PDE6A: variants seen among roughly 807,000 people sequenced by gnomAD.
PDE6A encodes the protein phosphodiesterase 6A.
In PDE6A, 84 loss-of-function variants were observed where a neutral mutation model predicts 106.3. The ratio of observed to expected loss-of-function variants is 0.79; its 90% CI spans 0.66 to 0.95. The LOEUF is 0.95. PDE6A is among the 40% of genes least tolerant of loss of function. The probability of loss-of-function intolerance (pLI) is 0.00; values close to 1 mark genes in which losing one functional copy is unlikely to be tolerated. For missense variants in PDE6A, 1,052 were observed against 1,084.9 expected (o/e 0.97, Z 0.43); for synonymous variants, 394 against 386.6 (o/e 1.02, Z -0.23).
At chr5:149,919,233 G>A (rs1412877099) in intron 5 of PDE6A, among the ~76,000 whole-genome samples, 4 of 152,152 alleles carry the variant, frequency 2.6e-5, no homozygotes, top group African/African-American at 7.2e-5. Context: ...TAGGCCGGGT[G>A]CGGTGGCTCG....
intron 13 of PDE6A, among the ~76,000 whole-genome samples, chr5:149,893,035 T>C (rs1422114918): frequency 2.0e-5 from 3 of 152,232 alleles, no homozygotes; most frequent in African/African-American, 7.2e-5. Flanking sequence ...TCCACTTTTA[T>C]AAACTCTGAC....
intron 19 of PDE6A, 69 bp downstream of exon 19, chr5:149,867,656 C>A: frequency 7.6e-7 from 1 of 1,311,450 alleles, no homozygotes; most frequent in Non-Finnish European, 1.1e-6. Flanking sequence ...TCCATCATGG[C>A]GAGGTCATAT....
chr5:149,866,879 T>C (rs538589008), intron 19 of PDE6A: 1 of 154,298 alleles, frequency 6.5e-6, no homozygotes, highest in South Asian at 2.0e-4. Flanking sequence ...GGCAGACTGC[T>C]GCTAATTGTT....
At chr5:149,867,973 G>C (rs1313765116) in intron 18 of PDE6A, 122 bp downstream of exon 18, 4 of 1,130,178 alleles carry the variant, frequency 3.5e-6, no homozygotes, top group African/African-American at 1.5e-5. Context: ...CCCATGTCTT[G>C]GTAGAGGAGG....
intron 6 of PDE6A, among the ~76,000 whole-genome samples, chr5:149,907,870 A>G (rs1461300288): frequency 1.3e-5 from 2 of 152,216 alleles, no homozygotes; most frequent in Non-Finnish European, 2.9e-5. Flanking sequence ...AACAAGCATT[A>G]AAAACTTCAC....
chr5:149,936,864 T>C (rs1464934425), intron 1 of PDE6A, among the ~76,000 whole-genome samples: 1 of 152,214 alleles, frequency 6.6e-6, no homozygotes, highest in East Asian at 1.9e-4. Flanking sequence ...CCAAAGTGAT[T>C]CATCCATTCA....
At chr5:149,920,976 AAG>A (rs1232645430) in intron 5 of PDE6A, among the ~76,000 whole-genome samples, 4 of 132,408 alleles carry the variant, frequency 3.0e-5, no homozygotes, top group African/African-American at 1.2e-4. Flanking sequence ...GAAAGAAAGA[AAG>A]AAAGAAAGAA....
intron 17 of PDE6A, among the ~76,000 whole-genome samples, chr5:149,876,948 TGATA>T (rs931484347): frequency 8.0e-5 from 12 of 150,536 alleles, no homozygotes; most frequent in South Asian, 2.1e-4. Context: ...GATAGATAGA[TGATA>T]GATAGATAGA....
At chr5:149,888,036 G>C (rs2569207) in intron 13 of PDE6A, among the ~76,000 whole-genome samples, 66,370 of 151,950 alleles carry the variant, frequency 0.44, 16,596 homozygotes, top group African/African-American at 0.69. Context: ...ATGTGGGAGG[G>C]TGAGGTGGGA....
intron 16 of PDE6A, among the ~76,000 whole-genome samples, chr5:149,884,147 A>AC (rs1372491502): frequency 6.7e-6 from 1 of 150,340 alleles, no homozygotes; most frequent in African/African-American, 2.4e-5. Context: ...GTGCCACCGC[A>AC]CTCTAGCCTG....
At chr5:149,897,334 C>T (rs541374841) in intron 10 of PDE6A, among the ~76,000 whole-genome samples, 30 of 152,312 alleles carry the variant, frequency 2.0e-4, no homozygotes, top group African/African-American at 7.2e-4. Context: ...GACCCAGTTA[C>T]TTGCTCCTGA....
chr5:149,893,956 G>C (rs1478188231), intron 13 of PDE6A, among the ~76,000 whole-genome samples: 1 of 152,154 alleles, frequency 6.6e-6, no homozygotes, highest in East Asian at 1.9e-4. Flanking sequence ...CAAAATAGAT[G>C]AATATAAGTT....
At chr5:149,941,074 T>C (rs976231299) in intron 1 of PDE6A, among the ~76,000 whole-genome samples, 2 of 152,174 alleles carry the variant, frequency 1.3e-5, no homozygotes, top group Non-Finnish European at 2.9e-5. Flanking sequence ...AAGACCCGCA[T>C]GGGCCCTGCC....
Position 149,925,240 on chromosome 5 carries a change from T to C in PDE6A, c.859-3531A>G, listed in dbSNP as rs145578741. Among the ~76,000 whole-genome samples, 282 of 152,270 alleles carry C rather than the reference T, an allele frequency of 1.9e-3. 1 individual carries two copies. The highest frequency in any genetic ancestry group is 6.6e-3 in the African/African-American group (274 of 41,546). ...CCATAGAAGATGCCTATAAATATTATAGCTTTCAGACAGAGACTCAAAAAT... is the reference window on the plus strand; with the variant it reads ...CCATAGAAGATGCCTATAAATATTACAGCTTTCAGACAGAGACTCAAAAAT... On this transcript the variant is annotated intron_variant, in intron 4 of 21. Coordinates refer to ENST00000255266, the MANE Select transcript of PDE6A (RefSeq NM_000440.3).
intron 17 of PDE6A, among the ~76,000 whole-genome samples, chr5:149,875,093 G>T (rs1162940527): frequency 6.6e-6 from 1 of 152,148 alleles, no homozygotes; most frequent in African/African-American, 2.4e-5. Context: ...ACCCAGGTGT[G>T]AAGAAGTTCC....
chr5:149,933,588 C>T (rs891145582), intron 3 of PDE6A, among the ~76,000 whole-genome samples: 3 of 152,272 alleles, frequency 2.0e-5, no homozygotes, highest in South Asian at 2.1e-4. Context: ...TGCATTATCT[C>T]GTTTACTATT....
Position 149,863,154 on chromosome 5 carries a change from T to C in PDE6A, c.2471A>G (p.Glu824Gly). 1 of 1,614,224 alleles carries C rather than the reference T, an allele frequency of 6.2e-7. No homozygotes were observed. Among genetic ancestry groups the C allele is most frequent in the South Asian group, 1.1e-5 (1 of 91,082 alleles). ...DEYDAKMKVQ[E>G]EKKQKQQSAK... Reference sequence around the variant, plus strand: ...CGACTGCTGTTTCTGCTTCTTCTCCTCCTGCACCTTCATCTTGGCATCGTA... The same window carrying C: ...CGACTGCTGTTTCTGCTTCTTCTCCCCCTGCACCTTCATCTTGGCATCGTA... Residue 824 changes from glutamate to glycine, a missense_variant, in exon 21 of 22, where the codon GAG (glutamate) becomes GGG (glycine). Glu to Gly is a moderately conservative substitution (Grantham distance 98). Coordinates refer to ENST00000255266, the MANE Select transcript of PDE6A (RefSeq NM_000440.3). The surrounding 1 kb of genome is among the most constrained non-coding windows in gnomAD (Gnocchi z 4.7).
intron 6 of PDE6A, among the ~76,000 whole-genome samples, chr5:149,909,183 C>T (rs1043998155): frequency 1.3e-5 from 2 of 151,970 alleles, no homozygotes; most frequent in Non-Finnish European, 2.9e-5. Context: ...TTGTTTGAGA[C>T]AGGGTCTCAC....
chr5:149,924,050 T>C (rs1356079287), intron 4 of PDE6A, among the ~76,000 whole-genome samples: 1 of 152,136 alleles, frequency 6.6e-6, no homozygotes, highest in Admixed American at 6.5e-5. Context: ...TAATTCTAGG[T>C]GAACATTTAG....
Sources: allele counts gnomAD v4.1 joint callset (sites outside exome capture counted in the v4.1 genomes callset), GRCh38; gene constraint gnomAD v4.1.1; non-coding constraint Gnocchi (gnomAD v3.1); transcripts MANE v1.5; gene names NCBI Gene and HGNC (gene_info 2026-07-23, HGNC 2026-07-21).